KYNU: variants seen among roughly 807,000 people sequenced by gnomAD.
KYNU encodes the protein L-kynurenine hydrolase.
In KYNU, 54 loss-of-function variants were observed where a neutral mutation model predicts 59.2. The observed-to-expected ratio is 0.91, with a 90% CI of 0.73 to 1.14. KYNU has a LOEUF of 1.14. Ranked by LOEUF, KYNU falls within the 50% of genes most tolerant of loss-of-function variation. The pLI, the probability that KYNU is intolerant of heterozygous loss-of-function variation, is 0.00. For synonymous variants in KYNU, 177 were observed against 192.0 expected, an observed-to-expected ratio of 0.92 and a Z score of 0.65; for missense variants, 567 against 554.4, an observed-to-expected ratio of 1.02 and a Z score of -0.23.
intron 10 of KYNU, chr2:142,989,222 G>A (rs537529269): frequency 1.5e-5 from 5 of 331,160 alleles, no homozygotes; most frequent in Admixed American, 4.9e-5. Context: ...TTTAGAGTCT[G>A]TATGACTACT....
chr2:142,909,467 A>T (rs750159197), intron 2 of KYNU, among the ~76,000 whole-genome samples: 9 of 152,188 alleles, frequency 5.9e-5, no homozygotes, highest in Non-Finnish European at 1.2e-4. Context: ...AGTAGTGAAC[A>T]TTGTACCCAA....
chr2:142,948,972 A>G (rs574267477), intron 4 of KYNU, among the ~76,000 whole-genome samples: 2 of 152,248 alleles, frequency 1.3e-5, no homozygotes, highest in Non-Finnish European at 2.9e-5. Context: ...AGGTACAGGC[A>G]CTGGGTAAAT....
At chr2:142,883,546 G>A (rs147915901) in intron 1 of KYNU, among the ~76,000 whole-genome samples, 197 of 152,072 alleles carry the variant, frequency 1.3e-3, no homozygotes, top group African/African-American at 4.2e-3. Context: ...GCATATCACA[G>A]TTTGTCATTC....
At chr2:142,936,620 A>T (rs1683399434) in intron 4 of KYNU, among the ~76,000 whole-genome samples, 1 of 152,228 alleles carries the variant, frequency 6.6e-6, no homozygotes, top group Non-Finnish European at 1.5e-5. Flanking sequence ...ACAGATGATC[A>T]GCAACTGCCT....
chr2:143,023,573 A>G (rs961573566), intron 10 of KYNU, among the ~76,000 whole-genome samples: 27 of 151,830 alleles, frequency 1.8e-4, no homozygotes, highest in African/African-American at 6.0e-4. Context: ...TGTTTGCTTT[A>G]TGAGTGTTGG....
chr2:143,036,329 A>G (rs185708341), intron 12 of KYNU, among the ~76,000 whole-genome samples: 2 of 152,200 alleles, frequency 1.3e-5, no homozygotes, highest in African/African-American at 2.4e-5. Context: ...TGTCCACCCT[A>G]CTGCTGTGTC....
rs1682765522 is a variant in KYNU, at chr2:142,918,734, G to C, written c.290+5G>C. On this transcript the variant is annotated splice_donor_5th_base_variant and intron_variant, in intron 3 of 13. Coordinates refer to ENST00000264170, the MANE Select transcript of KYNU (RefSeq NM_003937.3). ...ACTAGATAAGTGGGCCAAAATGTAA[G>C]TATTATTTTAAAAGCTACTACTCTA... 1.9e-6 allele frequency: 3 copies of C among 1,609,824 alleles called. No individual in the cohort carries two copies. Among genetic ancestry groups the C allele is most frequent in the Non-Finnish European group, 2.5e-6 (3 of 1,177,034 alleles).
intron 2 of KYNU, among the ~76,000 whole-genome samples, chr2:142,904,889 T>C (rs181605381): frequency 6.5e-4 from 99 of 152,264 alleles, no homozygotes; most frequent in Non-Finnish European, 1.0e-3. Flanking sequence ...AAGAAAGGGA[T>C]CCGGGCTGCT....
At chr2:142,909,576 A>C (rs1316941716) in intron 2 of KYNU, among the ~76,000 whole-genome samples, 4 of 152,210 alleles carry the variant, frequency 2.6e-5, no homozygotes, top group African/African-American at 9.7e-5. Context: ...ATCATGCATT[A>C]ATTCATTTAA....
At chr2:142,952,559 C>G (rs1258012772) in intron 4 of KYNU, among the ~76,000 whole-genome samples, 3 of 151,944 alleles carry the variant, frequency 2.0e-5, no homozygotes, top group East Asian at 1.9e-4. Flanking sequence ...GTCTCAGCCT[C>G]CAGAGTAGCT....
chr2:143,048,495 A>G lies in KYNU; in HGVS notation c.*6323A>G, dbSNP rs1305502239. The G allele has an allele frequency of 2.0e-5, 3 of 150,846 alleles. No individual in the cohort carries two copies. In the East Asian group the frequency reaches 5.8e-4, roughly 29 times the overall value. The allele number at this position is 150,846 out of a possible 1,614,324, so 9.3% of individuals were successfully genotyped here. ...CTCTCTCTCTGTCTCTCTCTCTCTC[A>G]CTAATGTTTGCTATTTCTCCCTACA... On this transcript the variant is annotated 3_prime_UTR_variant, in exon 14 of 14. Transcript: ENST00000264170.
At chr2:142,916,540 T>G (rs1016784836) in intron 2 of KYNU, among the ~76,000 whole-genome samples, 15 of 152,214 alleles carry the variant, frequency 9.9e-5, no homozygotes, top group African/African-American at 3.6e-4. Flanking sequence ...AGATCCTGCC[T>G]GCTGGGTATT....
intron 8 of KYNU, among the ~76,000 whole-genome samples, chr2:142,982,685 C>T (rs1049243227): frequency 1.3e-5 from 2 of 152,074 alleles, no homozygotes; most frequent in African/African-American, 4.8e-5. Context: ...CTCTCCCAAA[C>T]AACTTCATTC....
intron 13 of KYNU, 148 bp from the exon 14 acceptor site, chr2:143,041,899 C>T (rs1687067564): frequency 2.9e-6 from 2 of 691,658 alleles, no homozygotes; most frequent in Non-Finnish European, 4.8e-6. Flanking sequence ...AACAGAAAAA[C>T]ACCATGTTTT....
intron 2 of KYNU, among the ~76,000 whole-genome samples, chr2:142,901,546 T>G (rs1235071779): frequency 1.3e-5 from 2 of 152,208 alleles, no homozygotes; most frequent in East Asian, 3.9e-4. Context: ...TTTAGGTTTC[T>G]GTACAGCCAA....
In KYNU at chr2:142,889,532, A is replaced by G. The variant is rs1024533967; in HGVS notation, c.169+3996A>G. Among the ~76,000 whole-genome samples the G allele has an allele frequency of 8.1e-5, 12 of 147,376 alleles. No homozygotes were observed. In the South Asian group the frequency reaches 1.4e-3, roughly 17 times the overall value. On this transcript the variant is annotated intron_variant, in intron 2 of 13. Transcript: ENST00000264170. ...AGGACACAGGGCAGGGGATTGGAGA[A>G]GATCAGAAAGACCTTGTTTCTGAGG...
intron 10 of KYNU, among the ~76,000 whole-genome samples, chr2:143,013,298 C>CTCTCTCTGTGTGTGTGTGTGTGTG (rs72349700): frequency 6.0e-5 from 9 of 149,570 alleles, no homozygotes; most frequent in African/African-American, 2.2e-4. Flanking sequence ...GTCTCTTTCT[C>CTCTCTCTGTGTGTGTGTGTGTGTG]TGTGTGTGTG....
At chr2:142,933,934 G>GA (rs578104423) in intron 4 of KYNU, among the ~76,000 whole-genome samples, 218 of 151,748 alleles carry the variant, frequency 1.4e-3, no homozygotes, top group Middle Eastern at 3.4e-3. Context: ...GAATTGTGGG[G>GA]AAAAAAAAGC....
At position 143,043,689 on chromosome 2, in the gene KYNU, A is replaced by G. The variant is rs1466984400; in HGVS notation, c.*1517A>G. On this transcript the variant is annotated 3_prime_UTR_variant, in exon 14 of 14. Transcript: ENST00000264170. ...TAGATGGAAGAGTTCTCAAAACCTT[A>G]AAACTCATGCATAAGTGGATTCATA... 1 of 149,380 alleles carries G rather than the reference A, an allele frequency of 6.7e-6. No individual in the cohort carries two copies. Among genetic ancestry groups the G allele is most frequent in the African/African-American group, 2.4e-5 (1 of 40,910 alleles). 9.3% of individuals were successfully genotyped at this position (149,380 alleles called of 1,614,324 possible).
Sources: gnomAD v4.1 joint callset for allele counts (sites outside exome capture counted in the v4.1 genomes callset) on GRCh38, gnomAD v4.1.1 for gene constraint, MANE v1.5 for transcripts, NCBI Gene and HGNC (gene_info 2026-07-23, HGNC 2026-07-21) for gene names.